Variants in ARHGAP21 observed in about 807,000 individuals in gnomAD.
ARHGAP21 encodes Rho GTPase activating protein 21.
ARHGAP21 carries 38 observed loss-of-function variants against 164.6 expected under a neutral mutation model. That is an observed-to-expected ratio of 0.23 (90% CI 0.18 to 0.30). The LOEUF (loss-of-function observed/expected upper bound fraction) is 0.30, where lower values mean the gene tolerates loss of function less well. Among genes scored for constraint, ARHGAP21 ranks in the 10% least tolerant of loss-of-function variants. ARHGAP21 has a pLI of 1.00. For missense variants in ARHGAP21, 1,822 were observed against 2,370.7 expected, an observed-to-expected ratio of 0.77 and a Z score of 4.81; for synonymous variants, 766 against 857.9, an observed-to-expected ratio of 0.89 and a Z score of 1.87.
At chr10:24,592,054 TAAGG>T (rs2076352437) in intron 21 of ARHGAP21, 42 bp from the exon 22 acceptor site, 4 of 1,481,206 alleles carry the variant, frequency 2.7e-6, no homozygotes, top group Admixed American at 4.4e-5. Flanking sequence ...GAATTTTTCT[TAAGG>T]AAGTAGGCTG....
intron 9 of ARHGAP21, among the ~76,000 whole-genome samples, chr10:24,612,176 C>G (rs1348954182): frequency 1.3e-5 from 2 of 152,168 alleles, no homozygotes; most frequent in African/African-American, 2.4e-5. Flanking sequence ...GCAGAATAAT[C>G]AGTTCCCTGA....
intron 11 of ARHGAP21, among the ~76,000 whole-genome samples, chr10:24,606,137 G>T (rs1345336516): frequency 6.6e-6 from 1 of 151,966 alleles, no homozygotes; most frequent in Non-Finnish European, 1.5e-5. Context: ...CATAAATTTT[G>T]TTATAATTCT....
At chr10:24,679,866 T>C (rs1380444013) in intron 2 of ARHGAP21, among the ~76,000 whole-genome samples, 2 of 152,192 alleles carry the variant, frequency 1.3e-5, no homozygotes, top group Non-Finnish European at 2.9e-5. Flanking sequence ...ATGTGCCATG[T>C]TGGTGTGCTG....
At chr10:24,644,074 T>C (rs1837336353) in intron 4 of ARHGAP21, among the ~76,000 whole-genome samples, 1 of 152,142 alleles carries the variant, frequency 6.6e-6, no homozygotes, top group South Asian at 2.1e-4. Context: ...TCAATAACCT[T>C]GTCTCCCAGT....
At chr10:24,592,085 A>AT in intron 21 of ARHGAP21, 73 bp from the exon 22 acceptor site, 2 of 1,298,476 alleles carry the variant, frequency 1.5e-6, no homozygotes, top group Non-Finnish European at 2.0e-6. Context: ...CCATTGTAGG[A>AT]TTTTTGATGA....
chr10:24,676,693 A>G (rs1045144939), intron 2 of ARHGAP21, among the ~76,000 whole-genome samples: 2 of 152,194 alleles, frequency 1.3e-5, no homozygotes, highest in Admixed American at 6.5e-5. Flanking sequence ...ATAATTTGAA[A>G]AAAAGAACTT....
Position 24,620,030 on chromosome 10 carries a change from C to T in ARHGAP21, c.1865G>A (p.Arg622Gln), listed in dbSNP as rs1267238383. ...GGAAGGAGCTTTCAGAGAATTACTT[C>T]GGACTTTCACAAGAGGTGACCTGTC... ...SQDRSPLVKV[R>Q]SNSLKAPSTH... Residue 622 changes from arginine (R) to glutamine (Q), a missense_variant, in exon 9 of 26, where the codon CGA (arginine) becomes CAA (glutamine). Physicochemically the swap from Arg to Gln is conservative, Grantham distance 43. This residue lies in a region of ARHGAP21 where 1,090 missense variants were observed against 1,378.9 expected (regional missense o/e 0.79). Coordinates refer to ENST00000396432, the MANE Select transcript of ARHGAP21 (RefSeq NM_020824.4). The T allele has an allele frequency of 6.2e-6, 10 of 1,613,948 alleles. No homozygotes were observed. Among genetic ancestry groups the T allele is most frequent in the Non-Finnish European group, 8.5e-6 (10 of 1,179,862 alleles).
At position 24,620,611 on chromosome 10, in the gene ARHGAP21, G is replaced by A. The variant is rs760706543; in HGVS notation, c.1284C>T (p.Val428=). The A allele has an allele frequency of 1.5e-5, 24 of 1,614,070 alleles. No individual in the cohort carries two copies. Among genetic ancestry groups the A allele is most frequent in the Non-Finnish European group, 2.0e-5 (24 of 1,180,050 alleles). ...ASQSTTDYNQ[V]VPNRTTLQGR... ...CCTGCAAAGTAGTGCGGTTGGGGAC[G>A]ACCTGGTTATAATCTGTCGTGCTTT... Residue 428 remains valine, a synonymous_variant, in exon 9 of 26, where the codon GTC becomes GTT. Coordinates refer to ENST00000396432, the MANE Select transcript of ARHGAP21 (RefSeq NM_020824.4).
chr10:24,598,234 C>T (rs980302417), intron 14 of ARHGAP21, among the ~76,000 whole-genome samples: 7 of 152,038 alleles, frequency 4.6e-5, no homozygotes, highest in African/African-American at 9.7e-5. Context: ...TGTATCCATG[C>T]GATACCTAGG....
At chr10:24,649,117 T>C (rs370410587) in intron 4 of ARHGAP21, among the ~76,000 whole-genome samples, 85 of 152,302 alleles carry the variant, frequency 5.6e-4, no homozygotes, top group African/African-American at 2.0e-3. Flanking sequence ...TACAGATAAC[T>C]TGGTAATTTT....
rs145196769 is a variant in ARHGAP21, at chr10:24,587,285, A to G, written c.4183-1179T>C. Among the ~76,000 whole-genome samples the G allele has an allele frequency of 2.8e-3, 429 of 152,186 alleles. 1 individual carries two copies. Among genetic ancestry groups the G allele is most frequent in the African/African-American group, 9.6e-3 (400 of 41,540 alleles). On this transcript the variant is annotated intron_variant, in intron 25 of 25. Transcript: ENST00000396432. ...CAGGCATGAGCCACTGCATCTAGAT[A>G]TAATAGGTTCTTGATTGCAACTATT...
intron 2 of ARHGAP21, among the ~76,000 whole-genome samples, chr10:24,688,376 G>A (rs1215802247): frequency 6.6e-6 from 1 of 151,964 alleles, no homozygotes; most frequent in Non-Finnish European, 1.5e-5. Flanking sequence ...CTGGGTGACA[G>A]AGAAAGACTC....
intron 2 of ARHGAP21, among the ~76,000 whole-genome samples, chr10:24,680,050 GA>G (rs894653939): frequency 8.7e-5 from 13 of 150,040 alleles, no homozygotes; most frequent in South Asian, 4.2e-4. Flanking sequence ...AAGAAGAAAA[GA>G]AAAAAAAAGA....
At position 24,585,543 on chromosome 10, in the gene ARHGAP21, G is replaced by A. The variant is rs1319933844; in HGVS notation, c.4746C>T (p.Thr1582=). The change falls in exon 26 of 26, where the codon ACC becomes ACT. Residue 1582 remains threonine (T), a synonymous_variant. Transcript: ENST00000396432. ...KHSEFLANVS[T]ITSDYSTTSS... is the part of the protein sequence containing the mutation. ...ATGTGGTGGAATAATCTGAGGTGAT[G>A]GTGCTGACGTTGGCCAAAAACTCGC... 1.2e-6 allele frequency: 2 copies of A among 1,614,092 alleles called. No individual in the cohort carries two copies. The highest frequency in any genetic ancestry group is 1.7e-6 in the Non-Finnish European group (2 of 1,180,054).
intron 4 of ARHGAP21, among the ~76,000 whole-genome samples, chr10:24,658,903 A>AC (rs1839382067): frequency 6.6e-6 from 1 of 152,190 alleles, no homozygotes. Flanking sequence ...TCTCCACACA[A>AC]CATACACAAA....
intron 2 of ARHGAP21, among the ~76,000 whole-genome samples, chr10:24,719,342 A>G (rs1029968807): frequency 6.6e-6 from 1 of 152,132 alleles, no homozygotes; most frequent in South Asian, 2.1e-4. Flanking sequence ...GGGGGTGGGG[A>G]GGCCTAAATG....
At chr10:24,670,826 G>T (rs577246888) in intron 2 of ARHGAP21, among the ~76,000 whole-genome samples, 1 of 152,036 alleles carries the variant, frequency 6.6e-6, no homozygotes, top group Non-Finnish European at 1.5e-5. Flanking sequence ...AGCAACAAAG[G>T]ACATTAGAAA....
rs755752064 is a variant in ARHGAP21 at position 24,604,354 on chromosome 10, G to A, written c.2685-6C>T. On this transcript the variant is annotated splice_region_variant and splice_polypyrimidine_tract_variant and intron_variant, in intron 11 of 25. Coordinates refer to ENST00000396432, the MANE Select transcript of ARHGAP21 (RefSeq NM_020824.4). ...TAGATACGTGCTTAAAGGACCTGTTGGGGAAAAAATATATAAATATTTTCA... is the reference window on the plus strand; with the variant it reads ...TAGATACGTGCTTAAAGGACCTGTTAGGGAAAAAATATATAAATATTTTCA... The A allele has an allele frequency of 4.4e-5, 69 of 1,582,592 alleles. No homozygotes were observed. Among genetic ancestry groups the A allele is most frequent in the Non-Finnish European group, 5.7e-5 (66 of 1,164,872 alleles).
intron 4 of ARHGAP21, among the ~76,000 whole-genome samples, chr10:24,665,719 C>CTA (rs971898001): frequency 1.3e-5 from 2 of 152,186 alleles, no homozygotes; most frequent in African/African-American, 4.8e-5. Context: ...ACTTACCAAA[C>CTA]TATACACTTA....
Sources: allele counts gnomAD v4.1 joint callset (sites outside exome capture counted in the v4.1 genomes callset), GRCh38; gene constraint gnomAD v4.1.1; regional missense constraint gnomAD v4.1.1; transcripts MANE v1.5; gene names NCBI Gene and HGNC (gene_info 2026-07-23, HGNC 2026-07-21).